Variants in CNTNAP2 observed in about 807,000 individuals in gnomAD.
The protein encoded by CNTNAP2 is contactin associated protein 2.
A neutral mutation model predicts 155.2 loss-of-function variants in CNTNAP2; 98 were observed. The observed-to-expected ratio is 0.63, with a 90% CI of 0.54 to 0.75. The LOEUF is 0.75. Ranked by LOEUF, CNTNAP2 falls within the 30% of genes least tolerant of loss-of-function variation. The probability of loss-of-function intolerance (pLI) is 0.00; values close to 1 mark genes in which losing one functional copy is unlikely to be tolerated. For synonymous variants in CNTNAP2, 651 were observed against 631.2 expected (o/e 1.03, Z -0.47); for missense variants, 1,727 against 1,688.1 (o/e 1.02, Z -0.40).
intron 14 of CNTNAP2, among the ~76,000 whole-genome samples, chr7:147,965,857 T>G (rs570695621): frequency 6.6e-6 from 1 of 152,278 alleles, no homozygotes; most frequent in African/African-American, 2.4e-5. Flanking sequence ...GAGTAAGTAC[T>G]TTTCATTGTT....
intron 4 of CNTNAP2, among the ~76,000 whole-genome samples, chr7:147,054,470 T>A (rs1799524858): frequency 6.6e-6 from 1 of 152,160 alleles, no homozygotes; most frequent in Non-Finnish European, 1.5e-5. Context: ...TTTTTATTTA[T>A]GATAGATGAT....
intron 13 of CNTNAP2, among the ~76,000 whole-genome samples, chr7:147,719,070 C>A (rs1440321006): frequency 1.3e-5 from 2 of 152,076 alleles, no homozygotes. Flanking sequence ...TGTCTTGCAG[C>A]AAAATGTTAT....
chr7:147,665,100 C>T (rs1478052874), intron 13 of CNTNAP2, among the ~76,000 whole-genome samples: 1 of 152,156 alleles, frequency 6.6e-6, no homozygotes, highest in African/African-American at 2.4e-5. Context: ...CAAATTTTTA[C>T]CTGTGCCCCA....
chr7:147,466,746 C>T (rs1193552550), intron 10 of CNTNAP2, among the ~76,000 whole-genome samples: 12 of 152,132 alleles, frequency 7.9e-5, no homozygotes, highest in African/African-American at 2.2e-4. Flanking sequence ...GTGATACCCC[C>T]GTCTCTACTA....
intron 3 of CNTNAP2, among the ~76,000 whole-genome samples, chr7:147,012,708 G>C (rs1015071048): frequency 6.6e-6 from 1 of 152,118 alleles, no homozygotes. Context: ...AAATATCTTT[G>C]AGAAGTTGTC....
At chr7:147,204,277 TAG>T (rs1347216492) in intron 8 of CNTNAP2, among the ~76,000 whole-genome samples, 2 of 151,976 alleles carry the variant, frequency 1.3e-5, no homozygotes, top group African/African-American at 4.8e-5. Flanking sequence ...ATCAATAAAA[TAG>T]AGTCCAAAAG....
At chr7:147,498,013 A>G (rs964287791) in intron 11 of CNTNAP2, among the ~76,000 whole-genome samples, 4 of 152,134 alleles carry the variant, frequency 2.6e-5, no homozygotes, top group African/African-American at 7.2e-5. Context: ...CCCACAGCAT[A>G]GCAGTTCCAG....
intron 1 of CNTNAP2, among the ~76,000 whole-genome samples, chr7:146,719,053 T>C (rs1026634956): frequency 6.6e-6 from 1 of 152,206 alleles, no homozygotes; most frequent in Non-Finnish European, 1.5e-5. Context: ...GGAAGATTTC[T>C]CTTACAAAAA....
At chr7:146,437,678 G>T (rs1275317623) in intron 1 of CNTNAP2, among the ~76,000 whole-genome samples, 1 of 151,440 alleles carries the variant, frequency 6.6e-6, no homozygotes, top group Non-Finnish European at 1.5e-5. Context: ...AAATAAGTTT[G>T]GTAAATAATG....
intron 3 of CNTNAP2, among the ~76,000 whole-genome samples, chr7:146,983,184 C>T (rs1010924285): frequency 2.0e-5 from 3 of 152,074 alleles, no homozygotes; most frequent in African/African-American, 7.2e-5. Flanking sequence ...ACAAAAGCTC[C>T]TAAAAATGGC....
intron 1 of CNTNAP2, among the ~76,000 whole-genome samples, chr7:146,700,247 G>T (rs965854): frequency 0.076 from 11,569 of 152,084 alleles, 543 homozygotes; most frequent in African/African-American, 0.13. Flanking sequence ...TTGGTGTGCT[G>T]TGACTCATTC....
chr7:148,072,552 C>T (rs56176558), intron 15 of CNTNAP2, among the ~76,000 whole-genome samples: 8 of 152,286 alleles, frequency 5.3e-5, no homozygotes, highest in Non-Finnish European at 1.0e-4. Flanking sequence ...AAGACAAAAG[C>T]CATTCTTAGC....
At chr7:146,747,832 C>T (rs540129408) in intron 1 of CNTNAP2, among the ~76,000 whole-genome samples, 2 of 152,194 alleles carry the variant, frequency 1.3e-5, no homozygotes, top group South Asian at 4.1e-4. Context: ...CTGAATATTT[C>T]TTAGTTTTTT....
intron 9 of CNTNAP2, among the ~76,000 whole-genome samples, chr7:147,323,892 CTTTAA>C (rs58610531): frequency 0.49 from 74,110 of 151,274 alleles, 19,243 homozygotes; most frequent in East Asian, 0.73. Context: ...AATTTCTTGC[CTTTAA>C]TTTGAGAGAA....
At chr7:148,039,282 G>A (rs1366098435) in intron 15 of CNTNAP2, among the ~76,000 whole-genome samples, 1 of 152,306 alleles carries the variant, frequency 6.6e-6, no homozygotes, top group South Asian at 2.1e-4. Context: ...GACAGGAGAA[G>A]GAGAGTGTCA....
Position 147,153,522 on chromosome 7 carries a change from TG to T in CNTNAP2, c.1348+21018del, listed in dbSNP as rs922097286. 3.5e-4 allele frequency among the ~76,000 whole-genome samples: 53 copies of T among 152,162 alleles called. 1 individual carries two copies. Among genetic ancestry groups the T allele is most frequent in the African/African-American group, 1.2e-3 (48 of 41,522 alleles). On this transcript the variant is annotated intron_variant, in intron 8 of 23. Coordinates refer to ENST00000361727, the MANE Select transcript of CNTNAP2 (RefSeq NM_014141.6). ...TGAGGGAGTTAGTTAAGTAGATATC[TG>T]GGGGAAAAACATTCCAGGCAGAGAG...
At chr7:146,777,426 C>T (rs529891463) in intron 2 of CNTNAP2, among the ~76,000 whole-genome samples, 1 of 152,232 alleles carries the variant, frequency 6.6e-6, no homozygotes, top group East Asian at 1.9e-4. Flanking sequence ...CCTGCAGGTA[C>T]AGCAAGAAAC....
At chr7:148,330,728 T>TGGAC (rs1259445002) in intron 21 of CNTNAP2, among the ~76,000 whole-genome samples, 8 of 91,436 alleles carry the variant, frequency 8.7e-5, no homozygotes, top group African/African-American at 3.6e-4. Context: ...ATGGAGGGAA[T>TGGAC]GGATGGATGG....
At chr7:147,775,301 ATATTTATAAATATAT>A (rs1797555332) in intron 13 of CNTNAP2, among the ~76,000 whole-genome samples, 1 of 47,636 alleles carries the variant, frequency 2.1e-5, no homozygotes, top group African/African-American at 1.5e-4. Context: ...ATATTTATAT[ATATTTATAAATATAT>A]ATATATTTAT....
Sources: gnomAD v4.1 joint callset for allele counts (sites outside exome capture counted in the v4.1 genomes callset) on GRCh38, gnomAD v4.1.1 for gene constraint, MANE v1.5 for transcripts, NCBI Gene and HGNC (gene_info 2026-07-23, HGNC 2026-07-21) for gene names.